The following SLC16A2 variants were observed in gnomAD, a reference collection of about 807,000 sequenced individuals.
The protein encoded by SLC16A2 is monocarboxylate transporter 8.
A neutral mutation model predicts 27.2 loss-of-function variants in SLC16A2; 3 were observed. The observed-to-expected ratio is 0.11, with a 90% CI of 0.05 to 0.28. The LOEUF is 0.28. Ranked by LOEUF, SLC16A2 falls within the 10% of genes least tolerant of loss-of-function variation. SLC16A2 has a pLI of 1.00. For synonymous variants in SLC16A2, 202 were observed against 187.8 expected, an observed-to-expected ratio of 1.08 and a Z score of -0.62; for missense variants, 295 against 458.5, an observed-to-expected ratio of 0.64 and a Z score of 3.26.
chrX:74,475,796 T>G (rs895093708), intron 1 of SLC16A2, among the ~76,000 whole-genome samples: 3 of 111,647 alleles, frequency 2.7e-5, no homozygotes, highest in Non-Finnish European at 5.6e-5. Context: ...GTTGTAGATA[T>G]GTGGCATTAT....
At chrX:74,463,888 A>G (rs964125287) in intron 1 of SLC16A2, among the ~76,000 whole-genome samples, 1 of 112,231 alleles carries the variant, frequency 8.9e-6, no homozygotes, top group Non-Finnish European at 1.9e-5. Flanking sequence ...CTAGATAATG[A>G]GCATGTACAT....
intron 1 of SLC16A2, among the ~76,000 whole-genome samples, chrX:74,501,162 G>A (rs1395142386): frequency 9.0e-6 from 1 of 110,713 alleles, no homozygotes; most frequent in East Asian, 2.9e-4. Flanking sequence ...AAGTTTGAAA[G>A]GTTTTAGTTA....
At chrX:74,466,527 T>C (rs1403429970) in intron 1 of SLC16A2, among the ~76,000 whole-genome samples, 1 of 112,408 alleles carries the variant, frequency 8.9e-6, no homozygotes, top group African/African-American at 3.2e-5. Flanking sequence ...CCTAATACAA[T>C]GTAAATGCTA....
chrX:74,422,009 C>T lies in SLC16A2; in HGVS notation c.372C>T (p.Leu124=). The T allele has an allele frequency of 8.3e-7, 1 of 1,210,806 alleles. No homozygotes were observed. The highest frequency in any genetic ancestry group is 1.1e-6 in the Non-Finnish European group (1 of 895,460). Residue 124 remains leucine (L), a synonymous_variant, in exon 1 of 6, where the codon CTC becomes CTT. Coordinates refer to ENST00000587091, the MANE Select transcript of SLC16A2 (RefSeq NM_006517.5). The stretch of plus-strand genomic sequence containing the variant: ...GCATCCATAACTCTGTCGGGATCCT[C>T]TACTCCATGCTGCTAGAGGAGGAAA... ...IFGIHNSVGI[L]YSMLLEEEKE...
intron 1 of SLC16A2, among the ~76,000 whole-genome samples, chrX:74,510,992 G>A (rs1157788734): frequency 9.1e-6 from 1 of 109,416 alleles, no homozygotes; most frequent in African/African-American, 3.3e-5. Context: ...GATAGCTTAA[G>A]CATGGGAGCT....
At position 74,529,185 on chromosome X, in the gene SLC16A2, A is replaced by T. The variant is rs747914659; in HGVS notation, c.1171-28A>T. On this transcript the variant is annotated intron_variant, in intron 4 of 5. Coordinates refer to ENST00000587091, the MANE Select transcript of SLC16A2 (RefSeq NM_006517.5). ...TATGTGGTCTTGGCTGGCCAGCACA[A>T]CCTGACCTCAGGCCCTTGTTTCTCC... 8.0e-6 allele frequency: 9 copies of T among 1,126,277 alleles called. No homozygotes were observed. In the Admixed American group the frequency reaches 1.3e-4, roughly 17 times the overall value. The allele number at this position is 1,126,277 out of a possible 1,213,427, so 92.8% of individuals were successfully genotyped here.
intron 1 of SLC16A2, among the ~76,000 whole-genome samples, chrX:74,433,092 C>T (rs1332141785): frequency 1.8e-5 from 2 of 111,720 alleles, no homozygotes; most frequent in South Asian, 3.8e-4. Flanking sequence ...AGCACACAGG[C>T]CAGGCATGGT....
At chrX:74,454,678 A>G (rs376514962) in intron 1 of SLC16A2, among the ~76,000 whole-genome samples, 4 of 110,241 alleles carry the variant, frequency 3.6e-5, no homozygotes, top group Admixed American at 9.7e-5. Context: ...GTATACATAT[A>G]TGACAAACCT....
intron 1 of SLC16A2, chrX:74,473,686 C>T: frequency 9.4e-7 from 1 of 1,069,399 alleles, no homozygotes; most frequent in South Asian, 1.8e-5. Flanking sequence ...AGACAGCTCT[C>T]TTTGGTTCCA....
rs751226641 is a variant in SLC16A2, at chrX:74,421,899, A to G, written c.262A>G (p.Thr88Ala). 26 of 1,209,178 alleles carry G rather than the reference A, an allele frequency of 2.2e-5. No homozygotes were observed. The highest frequency in any genetic ancestry group is 5.2e-5 in the African/African-American group (3 of 57,471). The change falls in exon 1 of 6, where the codon ACC (threonine) becomes GCC (alanine). Residue 88 changes from threonine (T) to alanine (A), a missense_variant. Thr to Ala is a moderately conservative substitution (Grantham distance 58). This residue lies in a region of SLC16A2 where 92 missense variants were observed against 85.1 expected (regional missense o/e 1.08). Coordinates refer to ENST00000587091, the MANE Select transcript of SLC16A2 (RefSeq NM_006517.5). ...EPTPTVETRG[T>A]ARGFQPPEGG... ...CACGCCTACGGTAGAGACCCGCGGC[A>G]CCGCGCGCGGCTTCCAGCCTCCCGA...
chrX:74,443,112 T>C (rs1928782097), intron 1 of SLC16A2, among the ~76,000 whole-genome samples: 1 of 111,974 alleles, frequency 8.9e-6, no homozygotes, highest in Non-Finnish European at 1.9e-5. Flanking sequence ...CCATGGGTTA[T>C]CTCACTTAGG....
intron 1 of SLC16A2, chrX:74,473,446 G>A: frequency 1.9e-6 from 1 of 540,300 alleles, no homozygotes; most frequent in Non-Finnish European, 3.3e-6. Flanking sequence ...TCACACTATG[G>A]TATTTCTGAA....
intron 1 of SLC16A2, among the ~76,000 whole-genome samples, chrX:74,506,899 G>A (rs931882099): frequency 4.8e-5 from 5 of 104,416 alleles, no homozygotes; most frequent in Non-Finnish European, 9.8e-5. Flanking sequence ...TCTCATCTGT[G>A]ATATTTATTA....
chrX:74,502,956 G>A (rs536394416), intron 1 of SLC16A2, among the ~76,000 whole-genome samples: 4 of 109,856 alleles, frequency 3.6e-5, no homozygotes, highest in African/African-American at 1.3e-4. Context: ...TCTTTGGATT[G>A]CATTACTCCA....
rs771619069 is a variant in SLC16A2, at chrX:74,524,386, C to T, written c.603C>T (p.Tyr201=). ...TSSLSLRYFT[Y]GILFGCGCSF... ...CCCTAAGCCTGCGCTACTTCACCTA[C>T]GGGATTCTCTTTGGTTGTGGCTGTT... Residue 201 remains tyrosine (Y), a synonymous_variant, in exon 3 of 6, where the codon TAC becomes TAT. Transcript: ENST00000587091. The T allele has an allele frequency of 1.7e-5, 21 of 1,209,739 alleles. No individual in the cohort carries two copies. Among genetic ancestry groups the T allele is most frequent in the Admixed American group, 1.1e-4 (5 of 45,740 alleles).
intron 1 of SLC16A2, among the ~76,000 whole-genome samples, chrX:74,459,664 C>G (rs934604094): frequency 5.4e-5 from 6 of 111,162 alleles, no homozygotes; most frequent in African/African-American, 2.0e-4. Context: ...GTTTCCCAAC[C>G]TTTCCCTCTC....
chrX:74,441,459 G>A (rs1928747336), intron 1 of SLC16A2, among the ~76,000 whole-genome samples: 1 of 111,936 alleles, frequency 8.9e-6, no homozygotes, highest in Non-Finnish European at 1.9e-5. Context: ...TCCATGCATT[G>A]GAATAAAAGC....
At chrX:74,432,716 G>T (rs1386900254) in intron 1 of SLC16A2, among the ~76,000 whole-genome samples, 2 of 111,800 alleles carry the variant, frequency 1.8e-5, no homozygotes, top group African/African-American at 3.3e-5. Flanking sequence ...GTGAGTAGAT[G>T]CTTATAGTAG....
chrX:74,524,258 G>T, intron 2 of SLC16A2, 101 bp from the exon 3 acceptor site: 1 of 874,586 alleles, frequency 1.1e-6, no homozygotes, highest in Non-Finnish European at 1.7e-6. Context: ...TGGGGCTGTG[G>T]GTTAAGGGCG....
Sources: allele counts gnomAD v4.1 joint callset (sites outside exome capture counted in the v4.1 genomes callset), GRCh38; gene constraint gnomAD v4.1.1; regional missense constraint gnomAD v4.1.1; transcripts MANE v1.5; gene names NCBI Gene and HGNC (gene_info 2026-07-23, HGNC 2026-07-21).